Variants in MTERF4 observed in about 807,000 individuals in gnomAD.
MTERF4 encodes the protein transcription termination factor 4, mitochondrial.
A neutral mutation model predicts 22.5 loss-of-function variants in MTERF4; 17 were observed. The observed-to-expected ratio is 0.75, with a 90% CI of 0.52 to 1.13. The LOEUF (loss-of-function observed/expected upper bound fraction) is 1.13, where lower values mean the gene tolerates loss of function less well. Among genes scored for constraint, MTERF4 ranks in the 50% most tolerant of loss-of-function variants. The probability of loss-of-function intolerance (pLI) is 0.00; values close to 1 mark genes in which losing one functional copy is unlikely to be tolerated. For missense variants in MTERF4, 420 were observed against 466.8 expected, an observed-to-expected ratio of 0.90 and a Z score of 0.92; for synonymous variants, 165 against 175.3, an observed-to-expected ratio of 0.94 and a Z score of 0.47.
At chr2:241,088,253 A>C, downstream of MTERF4, 2 of 778,092 alleles carry the variant, frequency 2.6e-6, no homozygotes, top group Non-Finnish European at 4.6e-6. Context: ...CCACCGTGGA[A>C]TGTATGTGAG....
At chr2:241,047,029 G>A in the MTERF4 span, among the ~76,000 whole-genome samples, 3 of 151,598 alleles carry the variant, frequency 2.0e-5, no homozygotes, top group Non-Finnish European at 2.9e-5. Context: ...TATAATCCCA[G>A]CTACTCGGGA....
chr2:241,096,805 T>C lies in MTERF4; in HGVS notation c.706-367A>G. On this transcript the variant is annotated intron_variant, in intron 3 of 3. Coordinates refer to ENST00000391980, the MANE Select transcript of MTERF4 (RefSeq NM_182501.4). The surrounding 1 kb of genome is among the most constrained non-coding windows in gnomAD (Gnocchi z 5.1). ...AATTCGACCTAAGTTGTCATAATTA[T>C]TACCAAAAAATCGGACAACTGTTAA... 1.9e-6 allele frequency: 1 copy of C among 523,668 alleles called. No homozygotes were observed. Among genetic ancestry groups the C allele is most frequent in the Non-Finnish European group, 3.5e-6 (1 of 282,602 alleles). 32.4% of individuals were successfully genotyped at this position (523,668 alleles called of 1,614,324 possible).
intron 4 of MTERF4, among the ~76,000 whole-genome samples, chr2:241,081,344 A>G (rs2063318299): frequency 6.6e-6 from 1 of 152,172 alleles, no homozygotes. Flanking sequence ...GAGGGGCCAC[A>G]GGCCAGTGGG....
downstream of MTERF4, chr2:241,093,261 G>A (rs998457171): frequency 3.3e-5 from 5 of 152,754 alleles, no homozygotes; most frequent in East Asian, 1.9e-4. Context: ...TCACAAACGC[G>A]TACTGCGGAC....
At chr2:241,048,293 G>T in the MTERF4 span, 1 of 1,578,510 alleles carries the variant, frequency 6.3e-7, no homozygotes, top group Non-Finnish European at 8.6e-7. Context: ...GTGGCCGCTG[G>T]TGACTGCCGT....
chr2:241,089,245 C>G, downstream of MTERF4: 1 of 1,500,108 alleles, frequency 6.7e-7, no homozygotes, highest in Non-Finnish European at 8.9e-7. Context: ...TGGCCTAGGA[C>G]AGCTTTGCTC....
At chr2:241,084,270 G>A (rs556912911), downstream of MTERF4, among the ~76,000 whole-genome samples, 9 of 151,824 alleles carry the variant, frequency 5.9e-5, no homozygotes, top group African/African-American at 2.2e-4. Flanking sequence ...CCGAGTAGCT[G>A]GGATTACAGG....
At chr2:241,056,204 A>G in the MTERF4 span, among the ~76,000 whole-genome samples, 1 of 152,344 alleles carries the variant, frequency 6.6e-6, no homozygotes, top group Admixed American at 6.5e-5. Flanking sequence ...GAGAATAGAA[A>G]ATTTGAGCAG....
chr2:241,058,232 A>G, the MTERF4 span, among the ~76,000 whole-genome samples: 1 of 152,228 alleles, frequency 6.6e-6, no homozygotes, highest in Non-Finnish European at 1.5e-5. Context: ...TCCGTTCACG[A>G]AGAAGATACA....
exon 5 of MTERF4, chr2:241,072,968 C>T: frequency 2.3e-6 from 1 of 443,002 alleles, no homozygotes; most frequent in Non-Finnish European, 4.0e-6. Context: ...AAAGCAACCG[C>T]ATCAGCCGTG....
downstream of MTERF4, chr2:241,095,396 C>A (rs1450578074): frequency 1.3e-5 from 2 of 152,768 alleles, no homozygotes; most frequent in Non-Finnish European, 2.9e-5. Flanking sequence ...ATTTTGCTGG[C>A]CTTAAGAAGC....
At chr2:241,052,641 G>GC in the MTERF4 span, among the ~76,000 whole-genome samples, 2 of 118,806 alleles carry the variant, frequency 1.7e-5, no homozygotes, top group Non-Finnish European at 3.4e-5. Context: ...GGGCCGGGGG[G>GC]CCAAGCAGGG....
the MTERF4 span, chr2:241,063,442 A>T: frequency 1.5e-6 from 1 of 673,172 alleles, no homozygotes. Flanking sequence ...TTTGGGGCTG[A>T]TGGAAGAAAA....
the MTERF4 span, chr2:241,063,971 C>A: frequency 2.1e-6 from 3 of 1,409,672 alleles, no homozygotes; most frequent in East Asian, 2.5e-5. Context: ...CCCCCAGACT[C>A]CCCCCTTGCA....
chr2:241,071,828 T>A, downstream of MTERF4: 1 of 1,601,952 alleles, frequency 6.2e-7, no homozygotes, highest in Non-Finnish European at 8.5e-7. Context: ...AGAGGAAGAG[T>A]GAGCGCCAGG....
chr2:241,058,158 AAAG>A, the MTERF4 span, among the ~76,000 whole-genome samples: 1 of 152,214 alleles, frequency 6.6e-6, no homozygotes, highest in Non-Finnish European at 1.5e-5. Context: ...ACTATCAGAA[AAAG>A]AAGAGTATAA....
At chr2:241,068,067 A>T, downstream of MTERF4, 1 of 943,436 alleles carries the variant, frequency 1.1e-6, no homozygotes, top group Non-Finnish European at 1.6e-6. The surrounding 1 kb of genome is among the most constrained non-coding windows in gnomAD (Gnocchi z 5.3). Context: ...GCCGCTCCTC[A>T]CCTGAGCGGA....
intron 4 of MTERF4, chr2:241,081,703 C>T: frequency 6.2e-7 from 1 of 1,608,370 alleles, no homozygotes; most frequent in Non-Finnish European, 8.5e-7. Context: ...TTCAGAAAAC[C>T]CCTGTCAGAA....
chr2:241,048,794 C>G, the MTERF4 span: 2 of 1,545,492 alleles, frequency 1.3e-6, no homozygotes, highest in Non-Finnish European at 1.8e-6. Flanking sequence ...CCTTCCTGCC[C>G]TGTCCCTGAG....
Sources: gnomAD v4.1 joint callset for allele counts (sites outside exome capture counted in the v4.1 genomes callset) on GRCh38, gnomAD v4.1.1 for gene constraint, Gnocchi (gnomAD v3.1) non-coding constraint, MANE v1.5 for transcripts, NCBI Gene and HGNC (gene_info 2026-07-23, HGNC 2026-07-21) for gene names.